SH3RF3: variants seen among roughly 807,000 people sequenced by gnomAD.
SH3RF3 encodes SH3 domain containing ring finger 3.
A neutral mutation model predicts 66.3 loss-of-function variants in SH3RF3; 29 were observed. That is an observed-to-expected ratio of 0.44 (90% CI 0.33 to 0.60). The LOEUF (loss-of-function observed/expected upper bound fraction) is 0.60, where lower values mean the gene tolerates loss of function less well. SH3RF3 is among the 20% of genes least tolerant of loss of function. The pLI, the probability that SH3RF3 is intolerant of heterozygous loss-of-function variation, is 0.04. For synonymous variants in SH3RF3, 583 were observed against 532.0 expected (o/e 1.10, Z -1.32); for missense variants, 1,194 against 1,190.9 (o/e 1.00, Z -0.04).
At chr2:109,182,047 T>G (rs1246048570) in intron 1 of SH3RF3, among the ~76,000 whole-genome samples, 1 of 152,222 alleles carries the variant, frequency 6.6e-6, no homozygotes, top group Non-Finnish European at 1.5e-5. Context: ...GATAAACATA[T>G]GTATGCCGTA....
At chr2:109,412,330 C>T (rs59909605) in intron 4 of SH3RF3, among the ~76,000 whole-genome samples, 2,481 of 152,308 alleles carry the variant, frequency 0.016, 66 homozygotes, top group African/African-American at 0.056. Context: ...ATCCAAGTGC[C>T]GGGGCAGGCT....
At position 109,129,568 on chromosome 2, in the gene SH3RF3, G is replaced by GC; in HGVS notation, c.29dup (p.Ser11IlefsTer202). 1 of 1,487,138 alleles carries GC rather than the reference G, an allele frequency of 6.7e-7. No homozygotes were observed. 92.1% of individuals were successfully genotyped at this position (1,487,138 alleles called of 1,614,324 possible). On this transcript the variant is annotated frameshift_variant, in exon 1 of 10. Transcript: ENST00000309415. LOFTEE classifies it high-confidence loss of function. Reference sequence around the variant, plus strand: ...GCTGCTCGGAGCGTCCTGGCTGTGCGCATCCAAGGCGGCCGCCGCTGCTGC... The same window carrying GC: ...GCTGCTCGGAGCGTCCTGGCTGTGCGCCATCCAAGGCGGCCGCCGCTGCTGC...
chr2:109,135,849 A>T (rs945649489), intron 1 of SH3RF3, among the ~76,000 whole-genome samples: 37 of 152,186 alleles, frequency 2.4e-4, no homozygotes, highest in African/African-American at 8.4e-4. Flanking sequence ...GGCAGTGTTC[A>T]TGATTCTTAC....
chr2:109,343,743 C>CT (rs1682613952), intron 1 of SH3RF3, among the ~76,000 whole-genome samples: 1 of 134,352 alleles, frequency 7.4e-6, no homozygotes, highest in African/African-American at 2.7e-5. Flanking sequence ...GCCCTGGTTT[C>CT]CTTTTTTTTT....
At chr2:109,172,424 C>T (rs1377960406) in intron 1 of SH3RF3, among the ~76,000 whole-genome samples, 1 of 152,208 alleles carries the variant, frequency 6.6e-6, no homozygotes, top group East Asian at 1.9e-4. Flanking sequence ...GTGACTGTAA[C>T]CTAAAAACAT....
At chr2:109,211,676 G>T (rs1253564756) in intron 1 of SH3RF3, among the ~76,000 whole-genome samples, 2 of 144,630 alleles carry the variant, frequency 1.4e-5, no homozygotes, top group Admixed American at 1.4e-4. Context: ...ATGGAGTCTC[G>T]CTCTGTCACC....
At chr2:109,501,476 G>A (rs896601921) in intron 9 of SH3RF3, 27 bp from the exon 10 acceptor site, 1 of 768,530 alleles carries the variant, frequency 1.3e-6, no homozygotes, top group African/African-American at 1.7e-5. Flanking sequence ...GTCTGTGTGG[G>A]GCTCACCCAC....
chr2:109,232,040 T>C (rs915725702), intron 1 of SH3RF3, among the ~76,000 whole-genome samples: 6 of 152,242 alleles, frequency 3.9e-5, no homozygotes, highest in Non-Finnish European at 8.8e-5. Context: ...CATTAGATGA[T>C]GGACATTTGG....
chr2:109,174,804 G>A (rs1377385777), intron 1 of SH3RF3, among the ~76,000 whole-genome samples: 1 of 152,200 alleles, frequency 6.6e-6, no homozygotes, highest in Non-Finnish European at 1.5e-5. Flanking sequence ...ACCCATGAGG[G>A]CAGGGGCTTA....
chr2:109,180,914 G>C (rs779806098), intron 1 of SH3RF3, among the ~76,000 whole-genome samples: 12 of 152,214 alleles, frequency 7.9e-5, no homozygotes, highest in Non-Finnish European at 1.6e-4. Flanking sequence ...CATGCAGAGA[G>C]CTCTGCAGTG....
In SH3RF3 at chr2:109,236,773, G is replaced by C. The variant is rs914857718; in HGVS notation, c.573+106660G>C. 9.9e-5 allele frequency among the ~76,000 whole-genome samples: 15 copies of C among 152,172 alleles called. 1 individual carries two copies. The highest frequency in any genetic ancestry group is 3.6e-4 in the African/African-American group (15 of 41,440). ...GCAAACTGGTGCTGCCCTGAAGTGAGGGGTGAGCCTTCTTAGCCAGGAAAC... is the reference window on the plus strand; with the variant it reads ...GCAAACTGGTGCTGCCCTGAAGTGACGGGTGAGCCTTCTTAGCCAGGAAAC... On this transcript the variant is annotated intron_variant, in intron 1 of 9. Transcript: ENST00000309415.
intron 1 of SH3RF3, among the ~76,000 whole-genome samples, chr2:109,237,660 G>C (rs2105207537): frequency 6.6e-6 from 1 of 152,046 alleles, no homozygotes; most frequent in South Asian, 2.1e-4. Context: ...TTTATGTGAG[G>C]CCCAAGACGG....
intron 2 of SH3RF3, among the ~76,000 whole-genome samples, chr2:109,352,576 A>C (rs922323873): frequency 3.3e-5 from 5 of 152,188 alleles, no homozygotes; most frequent in Admixed American, 2.6e-4. Flanking sequence ...TTTTTGTATC[A>C]TGAGATAAGC....
intron 1 of SH3RF3, among the ~76,000 whole-genome samples, chr2:109,322,355 G>A (rs1682045422): frequency 6.6e-6 from 1 of 152,196 alleles, no homozygotes; most frequent in Non-Finnish European, 1.5e-5. Context: ...ATTTCAACAT[G>A]TGCCGAAATG....
intron 6 of SH3RF3, among the ~76,000 whole-genome samples, chr2:109,432,973 G>A (rs757879824): frequency 6.6e-5 from 10 of 152,276 alleles, no homozygotes; most frequent in Non-Finnish European, 1.2e-4. Flanking sequence ...ATGTGTGTTT[G>A]TGTGAGGACA....
chr2:109,346,534 A>G (rs1328681917), intron 1 of SH3RF3, among the ~76,000 whole-genome samples: 1 of 152,102 alleles, frequency 6.6e-6, no homozygotes, highest in East Asian at 1.9e-4. Context: ...TTCCTCTAGC[A>G]CAGGATTGAC....
At chr2:109,446,429 T>C (rs929561039) in intron 7 of SH3RF3, among the ~76,000 whole-genome samples, 1 of 152,190 alleles carries the variant, frequency 6.6e-6, no homozygotes, top group African/African-American at 2.4e-5. Context: ...ATAATCAGCC[T>C]CCAGCGAACA....
chr2:109,485,670 C>G (rs559983162), intron 8 of SH3RF3, among the ~76,000 whole-genome samples: 16 of 152,244 alleles, frequency 1.1e-4, no homozygotes, highest in Non-Finnish European at 7.3e-5. Flanking sequence ...CTAGATGATT[C>G]TTTAAAGTGG....
At chr2:109,425,353 T>A (rs1187405148) in intron 5 of SH3RF3, among the ~76,000 whole-genome samples, 3 of 152,050 alleles carry the variant, frequency 2.0e-5, no homozygotes, top group Non-Finnish European at 4.4e-5. Context: ...AAATCACTGA[T>A]GAAGGTGGCG....
Sources: allele counts gnomAD v4.1 joint callset (sites outside exome capture counted in the v4.1 genomes callset), GRCh38; gene constraint gnomAD v4.1.1; transcripts MANE v1.5; gene names NCBI Gene and HGNC (gene_info 2026-07-23, HGNC 2026-07-21).